Variants in FIGNL1 observed in about 807,000 individuals in gnomAD.
FIGNL1 encodes fidgetin-like protein 1.
In FIGNL1, 11 loss-of-function variants were observed where a neutral mutation model predicts 28.9. The observed-to-expected ratio is 0.38, with a 90% CI of 0.24 to 0.63. The LOEUF is 0.63. Ranked by LOEUF, FIGNL1 falls within the 20% of genes least tolerant of loss-of-function variation. The pLI is 0.57. For synonymous variants in FIGNL1, 295 were observed against 276.5 expected, an observed-to-expected ratio of 1.07 and a Z score of -0.66; for missense variants, 789 against 810.4, an observed-to-expected ratio of 0.97 and a Z score of 0.32.
Position 50,448,259 on chromosome 7 carries a change from C to T in FIGNL1, c.-89G>A, listed in dbSNP as rs1821387510. 6.6e-6 allele frequency: 1 copy of T among 152,188 alleles called. No homozygotes were observed. The highest frequency in any genetic ancestry group is 2.1e-4 in the South Asian group (1 of 4,838). The allele number at this position is 152,188 out of a possible 1,614,324, so 9.4% of individuals were successfully genotyped here. On this transcript the variant is annotated 5_prime_UTR_variant, in exon 3 of 4. It removes an upstream start codon present in the reference 5' UTR. Coordinates refer to ENST00000433017, the MANE Select transcript of FIGNL1 (RefSeq NM_001287492.4). ...TCACTCCAGGTACTGTGCACTTCTG[C>T]ATGTACACAATGCTCCTTGATGCTG...
Position 50,446,820 on chromosome 7 carries a change from A to G in FIGNL1, c.468T>C (p.Ser156=). 1 of 1,614,046 alleles carries G rather than the reference A, an allele frequency of 6.2e-7. No homozygotes were observed. Among genetic ancestry groups the G allele is most frequent in the Non-Finnish European group, 8.5e-7 (1 of 1,179,986 alleles). ...TAGGTAATGAGTCACTCTCTTGAGA[A>G]CTACCACAAACACTAAATTTAGGAA... ...FDLPKFSVCG[S]SQESDSLPNS... is the part of the protein sequence containing the mutation. Residue 156 remains serine (S), a synonymous_variant, in exon 4 of 4, where the codon AGT becomes AGC. Transcript: ENST00000433017.
At chr7:50,447,744 A>AT (rs541300651) in intron 3 of FIGNL1, among the ~76,000 whole-genome samples, 10 of 151,076 alleles carry the variant, frequency 6.6e-5, no homozygotes, top group East Asian at 3.9e-4. Context: ...TTTTATTATT[A>AT]TTTTTTTTTG....
In FIGNL1 at chr7:50,445,665, C is replaced by T; in HGVS notation, c.1623G>A (p.Val541=). 1 of 1,614,054 alleles carries T rather than the reference C, an allele frequency of 6.2e-7. No individual in the cohort carries two copies. The highest frequency in any genetic ancestry group is 1.1e-5 in the South Asian group (1 of 91,084). ...CTTGTGGCCGATTTGTTGCTCCCACCACTAGGATACGATCTTCAGAAGATG... is the reference window on the plus strand; with the variant it reads ...CTTGTGGCCGATTTGTTGCTCCCACTACTAGGATACGATCTTCAGAAGATG... ...ATTSSEDRIL[V]VGATNRPQEI... Residue 541 remains valine (V), a synonymous_variant, in exon 4 of 4, where the codon GTG becomes GTA. Transcript: ENST00000433017.
intron 3 of FIGNL1, among the ~76,000 whole-genome samples, chr7:50,447,587 G>A (rs942056565): frequency 1.3e-5 from 2 of 151,532 alleles, no homozygotes; most frequent in Non-Finnish European, 2.9e-5. Context: ...GCATTCATAA[G>A]GTTTAAAATT....
rs1820884984 is a variant in FIGNL1, at chr7:50,446,545, A to C, written c.743T>G (p.Phe248Cys). ...CTGTGGATTTTCACAGGCAGCAGGA[A>C]AACAAGACTGGTTAGATAAGAACAC... is the stretch of plus-strand genomic sequence containing the variant. ...LNVFLSNQSC[F>C]PAACENPQRK... Residue 248 changes from phenylalanine (F) to cysteine (C), a missense_variant, in exon 4 of 4, where the codon TTT (phenylalanine) becomes TGT (cysteine). By Grantham distance (205) the Phe-to-Cys change is radical. Transcript: ENST00000433017. The C allele has an allele frequency of 1.9e-6, 3 of 1,614,080 alleles. No homozygotes were observed. The highest frequency in any genetic ancestry group is 1.7e-5 in the Admixed American group (1 of 60,000).
Position 50,445,248 on chromosome 7 carries a change from T to A in FIGNL1, c.*15A>T, listed in dbSNP as rs771368432. On this transcript the variant is annotated 3_prime_UTR_variant, in exon 4 of 4. Transcript: ENST00000433017. ...AGACTGTACTACAGAGATGCCTTGA[T>A]TCCAAGTATCCCACTTACTTTCCAC... 34 of 1,503,004 alleles carry A rather than the reference T, an allele frequency of 2.3e-5. No individual in the cohort carries two copies. The highest frequency in any genetic ancestry group is 6.3e-6 in the Non-Finnish European group (7 of 1,117,100). The allele number at this position is 1,503,004 out of a possible 1,614,324, so 93.1% of individuals were successfully genotyped here.
chr7:50,445,503 C>T lies in FIGNL1; in HGVS notation c.1785G>A (p.Gln595=), dbSNP rs1206705372. The part of the protein sequence containing the change: ...QCCLSEEEIE[Q]IVQQSDAFSG... ...AAAACGCATCAGACTGCTGTACAATCTGTTCAATTTCTTCTTCACTGAGGC... is the reference window on the plus strand; with the variant it reads ...AAAACGCATCAGACTGCTGTACAATTTGTTCAATTTCTTCTTCACTGAGGC... The change falls in exon 4 of 4, where the codon CAG becomes CAA. Residue 595 remains glutamine (Q), a synonymous_variant. Transcript: ENST00000433017. 6.2e-7 allele frequency: 1 copy of T among 1,614,102 alleles called. No homozygotes were observed. Among genetic ancestry groups the T allele is most frequent in the Non-Finnish European group, 8.5e-7 (1 of 1,180,026 alleles).
chr7:50,444,418 A>C lies in FIGNL1; in HGVS notation c.*845T>G, dbSNP rs1820266854. On this transcript the variant is annotated 3_prime_UTR_variant, in exon 4 of 4. Transcript: ENST00000433017. Reference sequence around the variant, plus strand: ...CATTACACAATCCTACTGCTGTATAAAACAAAACATCTGGAAGAATCTATG... The same window carrying C: ...CATTACACAATCCTACTGCTGTATACAACAAAACATCTGGAAGAATCTATG... 6.7e-6 allele frequency: 1 copy of C among 149,240 alleles called. No homozygotes were observed. The highest frequency in any genetic ancestry group is 2.5e-5 in the African/African-American group (1 of 39,326). 9.2% of individuals were successfully genotyped at this position (149,240 alleles called of 1,614,324 possible).
In FIGNL1 at chr7:50,446,002, C is replaced by G. The variant is rs780648761; in HGVS notation, c.1286G>C (p.Gly429Ala). Residue 429 changes from glycine (G) to alanine (A), a missense_variant, in exon 4 of 4, where the codon GGT (glycine) becomes GCT (alanine). Physicochemically the swap from Gly to Ala is moderately conservative, Grantham distance 60. Coordinates refer to ENST00000433017, the MANE Select transcript of FIGNL1 (RefSeq NM_001287492.4). ...WPMLRPDIFT[G>A]LRGPPKGILL... ...AATTCCTTTAGGGGGTCCCCTTAAA[C>G]CAGTAAAGATGTCTGGCCTCAACAT... 1 of 1,614,176 alleles carries G rather than the reference C, an allele frequency of 6.2e-7. No individual in the cohort carries two copies. The highest frequency in any genetic ancestry group is 1.1e-5 in the South Asian group (1 of 91,086).
In FIGNL1 at chr7:50,446,834, T is replaced by G; in HGVS notation, c.454A>C (p.Ser152Arg). 1 of 1,614,090 alleles carries G rather than the reference T, an allele frequency of 6.2e-7. No homozygotes were observed. The change falls in exon 4 of 4, where the codon AGT (serine) becomes CGT (arginine). Residue 152 changes from serine (S) to arginine (R), a missense_variant. Coordinates refer to ENST00000433017, the MANE Select transcript of FIGNL1 (RefSeq NM_001287492.4). ...EATVFDLPKF[S>R]VCGSSQESDS... The stretch of plus-strand genomic sequence containing the variant: ...CTCTCTTGAGAACTACCACAAACAC[T>G]AAATTTAGGAAGATCAAAGACAGTG...
In FIGNL1 at chr7:50,445,231, C is replaced by A. The variant is rs10230343; in HGVS notation, c.*32G>T. 941,369 of 1,379,766 alleles carry A rather than the reference C, an allele frequency of 0.68. 324,946 individuals carry two copies. Among genetic ancestry groups the A allele is most frequent in the Admixed American group, 0.73 (30,994 of 42,732 alleles). The allele number at this position is 1,379,766 out of a possible 1,614,324, so 85.5% of individuals were successfully genotyped here. A position where few individuals can be genotyped will look rare whatever the true frequency, so the allele number is the denominator to read the frequency against. ...ATGCTAAAAAATAAAGAAGACTGTA[C>A]TACAGAGATGCCTTGATTCCAAGTA... On this transcript the variant is annotated 3_prime_UTR_variant, in exon 4 of 4. Transcript: ENST00000433017.
At position 50,445,972 on chromosome 7, in the gene FIGNL1, A is replaced by G. The variant is rs1206213895; in HGVS notation, c.1316T>C (p.Leu439Pro). ...TTTACCAGTCCCAGGAGGACCAAAG[A>G]GCAAAATTCCTTTAGGGGGTCCCCT... ...GLRGPPKGIL[L>P]FGPPGTGKTL... The change falls in exon 4 of 4, where the codon CTC (leucine) becomes CCC (proline). Residue 439 changes from leucine to proline, a missense_variant. By Grantham distance (98) the Leu-to-Pro change is moderately conservative. Coordinates refer to ENST00000433017, the MANE Select transcript of FIGNL1 (RefSeq NM_001287492.4). The G allele has an allele frequency of 6.2e-7, 1 of 1,614,122 alleles. No individual in the cohort carries two copies. The highest frequency in any genetic ancestry group is 1.3e-5 in the African/African-American group (1 of 75,044).
rs1367834891 is a variant in FIGNL1, at chr7:50,445,372, A to G, written c.1916T>C (p.Ile639Thr). Residue 639 changes from isoleucine (I) to threonine (T), a missense_variant, in exon 4 of 4, where the codon ATA (isoleucine) becomes ACA (threonine). By Grantham distance (89) the Ile-to-Thr change is moderately conservative (BLOSUM62 -1). Transcript: ENST00000433017. ...ATITPDQVRP[I>T]AYIDFENAFR... is the part of the protein sequence containing the mutation. The stretch of plus-strand genomic sequence containing the variant: ...AGCATTTTCAAAATCAATGTAAGCT[A>G]TGGGTCGAACTTGATCCGGTGTTAT... The G allele has an allele frequency of 6.2e-7, 1 of 1,614,178 alleles. No homozygotes were observed. The highest frequency in any genetic ancestry group is 8.5e-7 in the Non-Finnish European group (1 of 1,180,016).
chr7:50,446,256 T>C lies in FIGNL1; in HGVS notation c.1032A>G (p.Ile344Met). The change falls in exon 4 of 4, where the codon ATA becomes ATG. Residue 344 changes from isoleucine (I) to methionine (M), a missense_variant. Physicochemically the swap from Ile to Met is conservative, Grantham distance 10 (BLOSUM62 1). Coordinates refer to ENST00000433017, the MANE Select transcript of FIGNL1 (RefSeq NM_001287492.4). The stretch of plus-strand genomic sequence containing the variant: ...TCTGCTCTCCCCCATCTTGCTTGGG[T>C]ATAGGAGGAACAAACTTTCCAAGTA... ...RGILGKFVPP[I>M]PKQDGGEQNG... 6.2e-7 allele frequency: 1 copy of C among 1,614,142 alleles called. No homozygotes were observed. The highest frequency in any genetic ancestry group is 8.5e-7 in the Non-Finnish European group (1 of 1,180,042).
At position 50,446,905 on chromosome 7, in the gene FIGNL1, G is replaced by C. The variant is rs1305765296; in HGVS notation, c.383C>G (p.Ser128Cys). 1 of 1,614,016 alleles carries C rather than the reference G, an allele frequency of 6.2e-7. No homozygotes were observed. Among genetic ancestry groups the C allele is most frequent in the Admixed American group, 1.7e-5 (1 of 60,000 alleles). ...MMQAGKKFKD[S>C]LLEPALASVV... The stretch of plus-strand genomic sequence containing the variant: ...TGATGCAAGAGCAGGTTCCAACAGA[G>C]AGTCTTTGAATTTTTTGCCAGCTTG... The change falls in exon 4 of 4, where the codon TCT (serine) becomes TGT (cysteine). Residue 128 changes from serine (S) to cysteine (C), a missense_variant. Transcript: ENST00000433017.
At position 50,444,491 on chromosome 7, in the gene FIGNL1, T is replaced by G. The variant is rs564095830; in HGVS notation, c.*772A>C. On this transcript the variant is annotated 3_prime_UTR_variant, in exon 4 of 4. Transcript: ENST00000433017. ...CGCAAAGTGGTAGGATAATAGTGAC[T>G]TTTATTCTTTTTACTTATCTCTATT... 6.6e-6 allele frequency: 1 copy of G among 152,372 alleles called. No homozygotes were observed. The highest frequency in any genetic ancestry group is 6.5e-5 in the Admixed American group (1 of 15,308). The allele number at this position is 152,372 out of a possible 1,614,324, so 9.4% of individuals were successfully genotyped here.
intron 3 of FIGNL1, 181 bp downstream of exon 3, chr7:50,448,000 G>A (rs1012583292): frequency 1.3e-5 from 2 of 152,252 alleles, no homozygotes; most frequent in African/African-American, 4.8e-5. Flanking sequence ...GCCTCCCAAA[G>A]TGCTGGGATT....
At position 50,445,334 on chromosome 7, in the gene FIGNL1, G is replaced by A. The variant is rs774768080; in HGVS notation, c.1954C>T (p.Arg652Ter). The A allele has an allele frequency of 6.2e-6, 10 of 1,612,180 alleles. No homozygotes were observed. The highest frequency in any genetic ancestry group is 2.2e-5 in the South Asian group (2 of 90,576). Residue 652 changes from arginine to a stop codon, truncating the protein, a stop_gained, in exon 4 of 4, where the codon CGA (arginine) becomes TGA (stop). Coordinates refer to ENST00000433017, the MANE Select transcript of FIGNL1 (RefSeq NM_001287492.4). LOFTEE classifies it high-confidence loss of function. The stretch of plus-strand genomic sequence containing the variant: ...AAATCTTTTGGAGAAACACTAGGTC[G>A]CACAGTTCTAAAAGCATTTTCAAAA... ...IDFENAFRTV[R>*]PSVSPKDLEL...
intron 3 of FIGNL1, 132 bp downstream of exon 3, chr7:50,448,049 T>C (rs1434131393): frequency 1.3e-5 from 2 of 152,242 alleles, no homozygotes; most frequent in East Asian, 3.8e-4. Flanking sequence ...TTCTTCAGTT[T>C]TCTTATCTGC....
Sources: gnomAD v4.1 joint callset for allele counts (sites outside exome capture counted in the v4.1 genomes callset) on GRCh38, gnomAD v4.1.1 for gene constraint, MANE v1.5 for transcripts, NCBI Gene and HGNC (gene_info 2026-07-23, HGNC 2026-07-21) for gene names.